The following CDH12 variants were observed in gnomAD, a reference collection of about 807,000 sequenced individuals.
CDH12 encodes cadherin-12.
CDH12 carries 41 observed loss-of-function variants against 74.1 expected under a neutral mutation model. The ratio of observed to expected loss-of-function variants is 0.55; its 90% CI spans 0.43 to 0.72. CDH12 has a LOEUF of 0.72. Among genes scored for constraint, CDH12 ranks in the 30% least tolerant of loss-of-function variants. The pLI is 0.00. For synonymous variants in CDH12, 399 were observed against 355.0 expected (o/e 1.12, Z -1.39); for missense variants, 945 against 977.2 (o/e 0.97, Z 0.44).
intron 1 of CDH12, among the ~76,000 whole-genome samples, chr5:22,536,895 G>T (rs1401034796): frequency 1.3e-5 from 2 of 152,078 alleles, no homozygotes; most frequent in African/African-American, 4.8e-5. Context: ...TGGTTTTTCT[G>T]ATATAAATGG....
intron 4 of CDH12, among the ~76,000 whole-genome samples, chr5:22,095,378 C>T (rs143783526): frequency 0.014 from 2,171 of 152,190 alleles, 18 homozygotes; most frequent in Non-Finnish European, 0.02. Flanking sequence ...AAAACTCCGG[C>T]GCCGGTCATG....
intron 3 of CDH12, among the ~76,000 whole-genome samples, chr5:22,261,920 C>T (rs1480927827): frequency 6.6e-6 from 1 of 151,872 alleles, no homozygotes; most frequent in African/African-American, 2.4e-5. Flanking sequence ...TTTACATAGA[C>T]AACTATGTAA....
chr5:22,479,062 G>A (rs1283862947), intron 2 of CDH12, among the ~76,000 whole-genome samples: 2 of 152,144 alleles, frequency 1.3e-5, no homozygotes, highest in Non-Finnish European at 1.5e-5. Context: ...CAAAAGAAAA[G>A]CAACGGTTTG....
chr5:21,835,505 A>G (rs925846051), intron 8 of CDH12, among the ~76,000 whole-genome samples: 5 of 151,790 alleles, frequency 3.3e-5, no homozygotes, highest in African/African-American at 1.2e-4. Context: ...GTGTTTTTAT[A>G]TGGTAAAATG....
In CDH12 at chr5:21,931,434, G is replaced by A. The variant is rs147887928; in HGVS notation, c.526+43657C>T. On this transcript the variant is annotated intron_variant, in intron 6 of 14. Coordinates refer to ENST00000382254, the MANE Select transcript of CDH12 (RefSeq NM_004061.5). ...CATCAGCTGCAGTTCAGATCCCAGA[G>A]GGCCTGGAGTTAAGGTAGCATGAAC... Among the ~76,000 whole-genome samples, 575 of 152,222 alleles carry A rather than the reference G, an allele frequency of 3.8e-3. 8 individuals carry two copies. The highest frequency in any genetic ancestry group is 0.013 in the African/African-American group (544 of 41,544).
rs566331291 is a variant in CDH12 at position 22,778,155 on chromosome 5, T to A, written c.-523+74903A>T. ...GTCTCATCATATATTTAGAAAAAAA[T>A]TCACAGCTATAAAACTTTTAAAATG... On this transcript the variant is annotated intron_variant, in intron 1 of 14. Transcript: ENST00000382254. Among the ~76,000 whole-genome samples, 19 of 152,240 alleles carry A rather than the reference T, an allele frequency of 1.2e-4. No individual in the cohort carries two copies. The East Asian group carries it at 3.7e-3, about 29-fold the overall frequency.
intron 1 of CDH12, among the ~76,000 whole-genome samples, chr5:22,703,555 T>G (rs1311271873): frequency 2.0e-5 from 3 of 152,178 alleles, no homozygotes; most frequent in Non-Finnish European, 2.9e-5. Flanking sequence ...CTCCTGAAAT[T>G]ATAAAACAAG....
At chr5:22,350,315 T>C (rs1050222775) in intron 3 of CDH12, among the ~76,000 whole-genome samples, 2 of 152,214 alleles carry the variant, frequency 1.3e-5, no homozygotes, top group Non-Finnish European at 2.9e-5. Flanking sequence ...ACAAGGTTTT[T>C]TTCAGTTTAA....
At chr5:21,830,075 T>C (rs986701989) in intron 8 of CDH12, among the ~76,000 whole-genome samples, 4 of 151,122 alleles carry the variant, frequency 2.6e-5, no homozygotes, top group Non-Finnish European at 5.9e-5. Context: ...GGCGGGTGCC[T>C]GTAATCCCAG....
intron 4 of CDH12, among the ~76,000 whole-genome samples, chr5:22,128,163 T>A (rs1253070967): frequency 6.6e-6 from 1 of 152,096 alleles, no homozygotes; most frequent in Non-Finnish European, 1.5e-5. Context: ...GGATTGATGG[T>A]CAAGGTTAGA....
chr5:22,649,738 A>C (rs1739632428), intron 1 of CDH12, among the ~76,000 whole-genome samples: 1 of 151,970 alleles, frequency 6.6e-6, no homozygotes, highest in South Asian at 2.1e-4. Context: ...GTTTTCTATA[A>C]TCGCTTCAGA....
intron 5 of CDH12, among the ~76,000 whole-genome samples, chr5:21,996,297 A>G (rs1451941375): frequency 6.6e-6 from 1 of 152,090 alleles, no homozygotes; most frequent in African/African-American, 2.4e-5. Context: ...AAACCAAATT[A>G]TACTTGTGAT....
chr5:21,803,456 G>A (rs1370015770), intron 9 of CDH12, among the ~76,000 whole-genome samples: 1 of 152,004 alleles, frequency 6.6e-6, no homozygotes, highest in Non-Finnish European at 1.5e-5. Flanking sequence ...ATTAGAGAAG[G>A]CTGTGAAACA....
At chr5:22,809,734 GA>G (rs1749036329) in intron 1 of CDH12, among the ~76,000 whole-genome samples, 1 of 151,782 alleles carries the variant, frequency 6.6e-6, no homozygotes. Flanking sequence ...TCTGATACTG[GA>G]AAAAAACAAA....
chr5:22,024,010 G>T lies in CDH12; in HGVS notation c.232-48625C>A, dbSNP rs115135061. On this transcript the variant is annotated intron_variant, in intron 5 of 14. Coordinates refer to ENST00000382254, the MANE Select transcript of CDH12 (RefSeq NM_004061.5). ...ACCTAACTGCAAAGTGCTGGGAGTT[G>T]GGTGAGGGCATATGGACCATTCATG... 8.3e-3 allele frequency among the ~76,000 whole-genome samples: 1,267 copies of T among 152,246 alleles called. 25 individuals are homozygous for T. The highest frequency in any genetic ancestry group is 0.029 in the African/African-American group (1,202 of 41,544).
At chr5:22,111,533 C>T (rs952207390) in intron 4 of CDH12, among the ~76,000 whole-genome samples, 3 of 152,162 alleles carry the variant, frequency 2.0e-5, no homozygotes, top group African/African-American at 7.2e-5. Flanking sequence ...TTTTCATTTA[C>T]ATAATCATAT....
intron 4 of CDH12, among the ~76,000 whole-genome samples, chr5:22,179,910 A>G (rs1415254693): frequency 1.3e-5 from 2 of 152,190 alleles, no homozygotes; most frequent in Non-Finnish European, 2.9e-5. Context: ...ATTACCAAGT[A>G]GAGGAAGCCA....
intron 1 of CDH12, among the ~76,000 whole-genome samples, chr5:22,563,985 T>C (rs1248694248): frequency 1.3e-5 from 2 of 151,912 alleles, no homozygotes; most frequent in African/African-American, 4.8e-5. Flanking sequence ...AGCTACAAGA[T>C]GAGATTTTAT....
chr5:21,815,098 T>C (rs1384211112), intron 9 of CDH12, among the ~76,000 whole-genome samples: 1 of 152,156 alleles, frequency 6.6e-6, no homozygotes, highest in Admixed American at 6.6e-5. Context: ...AAAAATATGA[T>C]AATCTATTTG....
Sources: allele counts gnomAD v4.1 joint callset (sites outside exome capture counted in the v4.1 genomes callset), GRCh38; gene constraint gnomAD v4.1.1; transcripts MANE v1.5; gene names NCBI Gene and HGNC (gene_info 2026-07-23, HGNC 2026-07-21).